The following CNBD1 variants were observed in gnomAD, a reference collection of about 807,000 sequenced individuals.
CNBD1 encodes cyclic nucleotide binding domain containing 1, also known as cyclic nucleotide-binding domain-containing protein 1.
Under a neutral mutation model 54.4 loss-of-function variants are expected in CNBD1, and 71 were observed. The ratio of observed to expected loss-of-function variants is 1.30; its 90% confidence interval spans 1.08 to 1.59. The LOEUF (loss-of-function observed/expected upper bound fraction) is 1.59. CNBD1 is among the 40% of genes most tolerant of loss of function. The probability of loss-of-function intolerance (pLI) is 0.00; values close to 1 mark genes in which losing one functional copy is unlikely to be tolerated. For synonymous variants in CNBD1, 182 were observed against 170.7 expected (o/e 1.07, Z -0.51); for missense variants, 659 against 518.0 (o/e 1.27, Z -2.64).
chr8:87,207,053 G>A (rs947322029), intron 5 of CNBD1, among the ~76,000 whole-genome samples: 1 of 151,972 alleles, frequency 6.6e-6, no homozygotes, highest in Non-Finnish European at 1.5e-5. Context: ...TCCCTCCATG[G>A]TCTTCTTTCA....
Position 87,285,044 on chromosome 8 carries a change from C to T in CNBD1, c.909+229C>T, listed in dbSNP as rs1002795708. On this transcript the variant is annotated intron_variant, in intron 7 of 10. Transcript: ENST00000518476. The stretch of plus-strand genomic sequence containing the variant: ...ATATTTCAGGTAATTTTTAAATACC[C>T]TTTGGCTTTTCATTAATTTTAAACT... Among the ~76,000 whole-genome samples the T allele has an allele frequency of 2.0e-5, 3 of 152,148 alleles. No homozygotes were observed. The East Asian group carries it at 5.8e-4, about 29-fold the overall frequency.
chr8:87,383,849 T>C (rs528723261), downstream of CNBD1, among the ~76,000 whole-genome samples: 3 of 152,000 alleles, frequency 2.0e-5, no homozygotes, highest in Non-Finnish European at 4.4e-5. Flanking sequence ...TCATGTAGAG[T>C]TAAAAATAGA....
At chr8:87,164,575 G>A (rs1375061358) in intron 4 of CNBD1, among the ~76,000 whole-genome samples, 1 of 151,304 alleles carries the variant, frequency 6.6e-6, no homozygotes, top group East Asian at 1.9e-4. Flanking sequence ...ACAATTTGTT[G>A]GCATATAATT....
intron 3 of CNBD1, among the ~76,000 whole-genome samples, chr8:86,930,701 C>G (rs1006357990): frequency 3.3e-5 from 5 of 152,182 alleles, no homozygotes; most frequent in Admixed American, 3.3e-4. Flanking sequence ...GAATTACTCC[C>G]TCATTGATGA....
intron 10 of CNBD1, among the ~76,000 whole-genome samples, chr8:87,382,160 C>T (rs938732878): frequency 6.6e-6 from 1 of 151,700 alleles, no homozygotes; most frequent in Non-Finnish European, 1.5e-5. Context: ...GTCACCTTTT[C>T]CAAAATGTTC....
chr8:87,330,953 T>C (rs1809814688), intron 8 of CNBD1, among the ~76,000 whole-genome samples: 1 of 152,224 alleles, frequency 6.6e-6, no homozygotes, highest in African/African-American at 2.4e-5. Context: ...ACTCTGACAA[T>C]GTCTGTCTTT....
chr8:87,310,195 A>G (rs1472609449), intron 8 of CNBD1, among the ~76,000 whole-genome samples: 4 of 152,072 alleles, frequency 2.6e-5, no homozygotes, highest in Admixed American at 2.6e-4. Context: ...TCTCTACAAA[A>G]AAGTTTAAAA....
intron 8 of CNBD1, among the ~76,000 whole-genome samples, chr8:87,301,530 G>A (rs1585994586): frequency 6.6e-6 from 1 of 151,992 alleles, no homozygotes; most frequent in Non-Finnish European, 1.5e-5. Context: ...AAAGATGCAG[G>A]GATAGTTTAG....
intron 4 of CNBD1, among the ~76,000 whole-genome samples, chr8:87,190,524 T>C (rs1813579451): frequency 6.6e-6 from 1 of 152,278 alleles, no homozygotes; most frequent in Non-Finnish European, 1.5e-5. Context: ...CCGAGTTCAA[T>C]GTCTTATATA....
chr8:87,346,443 C>A (rs1028647483), intron 8 of CNBD1, among the ~76,000 whole-genome samples: 1 of 151,060 alleles, frequency 6.6e-6, no homozygotes, highest in Admixed American at 6.6e-5. Flanking sequence ...TCTAAAATTT[C>A]TATTTGGTTA....
At chr8:86,882,913 C>T (rs556507515) in intron 1 of CNBD1, among the ~76,000 whole-genome samples, 1 of 152,222 alleles carries the variant, frequency 6.6e-6, no homozygotes, top group African/African-American at 2.4e-5. Flanking sequence ...AGCAAACAAA[C>T]TCAGGAACAG....
At chr8:86,940,465 C>A (rs1239892085) in intron 4 of CNBD1, among the ~76,000 whole-genome samples, 1 of 152,118 alleles carries the variant, frequency 6.6e-6, no homozygotes, top group African/African-American at 2.4e-5. Flanking sequence ...CGCACCCGGC[C>A]CCATTCCTTT....
intron 2 of CNBD1, among the ~76,000 whole-genome samples, chr8:87,420,704 C>A (rs534291131): frequency 2.8e-4 from 42 of 151,554 alleles, no homozygotes; most frequent in South Asian, 1.7e-3. Context: ...GCTTTAGGCA[C>A]AACTGATTCC....
intron 4 of CNBD1, among the ~76,000 whole-genome samples, chr8:87,079,225 GATA>G (rs1195399688): frequency 2.6e-5 from 4 of 151,848 alleles, no homozygotes; most frequent in African/African-American, 4.8e-5. Flanking sequence ...TTATTGTTAT[GATA>G]ATACAATTTT....
intron 2 of CNBD1, among the ~76,000 whole-genome samples, chr8:87,394,792 TA>T (rs1318027474): frequency 6.6e-6 from 1 of 151,942 alleles, no homozygotes; most frequent in Admixed American, 6.6e-5. Flanking sequence ...TTAAGTTTTA[TA>T]AATGTTTAAA....
chr8:87,142,761 G>A (rs898338082), intron 4 of CNBD1, among the ~76,000 whole-genome samples: 3 of 152,076 alleles, frequency 2.0e-5, no homozygotes, highest in African/African-American at 4.8e-5. Flanking sequence ...ATAGGCTTCT[G>A]TAGATACACT....
rs975804508 is a variant in CNBD1 at position 87,166,234 on chromosome 8, A to G, written c.432-39759A>G. Among the ~76,000 whole-genome samples, 4 of 151,834 alleles carry G rather than the reference A, an allele frequency of 2.6e-5. No individual in the cohort carries two copies. The highest frequency in any genetic ancestry group is 4.4e-5 in the Non-Finnish European group (3 of 67,874). ...TAAGCATCATACTTGATGCTCATAC[A>G]TTCTGTCCCTTTTACACCACTGTAT... is the stretch of plus-strand genomic sequence containing the variant. On this transcript the variant is annotated intron_variant, in intron 4 of 10. Transcript: ENST00000518476. The surrounding 1 kb of genome is among the most constrained non-coding windows in gnomAD (Gnocchi z 4.3).
chr8:87,128,018 G>A (rs1290109105), intron 4 of CNBD1, among the ~76,000 whole-genome samples: 1 of 152,172 alleles, frequency 6.6e-6, no homozygotes, highest in Non-Finnish European at 1.5e-5. Context: ...GCACGATAAA[G>A]AGAAGAGAAG....
intron 4 of CNBD1, among the ~76,000 whole-genome samples, chr8:87,194,709 A>G (rs956772650): frequency 9.2e-5 from 14 of 152,072 alleles, no homozygotes; most frequent in Admixed American, 6.6e-5. Flanking sequence ...AAATGAGTAA[A>G]TTGTATGTTT....
Sources: gnomAD v4.1 joint callset for allele counts (sites outside exome capture counted in the v4.1 genomes callset) on GRCh38, gnomAD v4.1.1 for gene constraint, Gnocchi (gnomAD v3.1) non-coding constraint, MANE v1.5 for transcripts, NCBI Gene and HGNC (gene_info 2026-07-23, HGNC 2026-07-21) for gene names.